Variants in WIPI2 observed in about 807,000 individuals in gnomAD.
The protein encoded by WIPI2 is WD repeat domain, phosphoinositide interacting 2, also known as WD repeat domain phosphoinositide-interacting protein 2.
A neutral mutation model predicts 52.3 loss-of-function variants in WIPI2; 28 were observed. The observed-to-expected ratio is 0.54, with a 90% confidence interval of 0.40 to 0.73. The LOEUF is 0.73. Ranked by LOEUF, WIPI2 falls within the 30% of genes least tolerant of loss-of-function variation. WIPI2 has a pLI of 0.00. For missense variants in WIPI2, 506 were observed against 602.9 expected (o/e 0.84, Z 1.68); for synonymous variants, 268 against 245.0 (o/e 1.09, Z -0.88).
intron 7 of WIPI2, among the ~76,000 whole-genome samples, chr7:5,221,197 A>T (rs1783107584): frequency 6.6e-6 from 1 of 152,056 alleles, no homozygotes; most frequent in African/African-American, 2.4e-5. Flanking sequence ...TCCTCACCTC[A>T]GGTGACCACT....
In WIPI2 at chr7:5,227,008, C is replaced by T. The variant is rs544190147; in HGVS notation, c.849-172C>T. On this transcript the variant is annotated intron_variant, in intron 9 of 12. Transcript: ENST00000288828. This position sits in a 1 kb window ranked among gnomAD's most constrained non-coding sequence, Gnocchi z 8.1. ...CCCCGACACCTCCCAGAGGAAGCTC[C>T]GTGATGCCCCTGGGGCCCTGAGTGT... The T allele has an allele frequency of 8.6e-5, 72 of 838,808 alleles. 1 individual carries two copies. Among genetic ancestry groups the T allele is most frequent in the African/African-American group, 8.2e-4 (48 of 58,620 alleles). 52.0% of individuals were successfully genotyped at this position (838,808 alleles called of 1,614,324 possible). A position where few individuals can be genotyped will look rare whatever the true frequency, so the allele number is the denominator to read the frequency against.
At chr7:5,203,458 A>C (rs1295701520) in intron 3 of WIPI2, among the ~76,000 whole-genome samples, 1 of 152,124 alleles carries the variant, frequency 6.6e-6, no homozygotes, top group Non-Finnish European at 1.5e-5. Context: ...CAGAAGCAAA[A>C]AGCAACATTC....
At chr7:5,217,689 G>A (rs1415611470) in intron 6 of WIPI2, 1 of 537,100 alleles carries the variant, frequency 1.9e-6, no homozygotes, top group Admixed American at 3.1e-5. Context: ...CCTCGCCACG[G>A]GAATGTTTGA....
rs1781926753 is a variant in WIPI2 at position 5,199,618 on chromosome 7, CCTTT to C, written c.175_178del (p.Ser59LeufsTer20). The C allele has an allele frequency of 6.8e-6, 11 of 1,613,336 alleles. No homozygotes were observed. The highest frequency in any genetic ancestry group is 1.1e-5 in the South Asian group (1 of 90,910). On this transcript the variant is annotated frameshift_variant, in exon 3 of 13. Coordinates refer to ENST00000288828, the MANE Select transcript of WIPI2 (RefSeq NM_015610.4). LOFTEE classifies it high-confidence loss of function. ...GTAAGTCCGGTTATAAATTTTTCTCCCTTTCTTCTGTGGATAAGCTGGAACAGAT... is the reference window on the plus strand; with the variant it reads ...GTAAGTCCGGTTATAAATTTTTCTCCCTTCTGTGGATAAGCTGGAACAGAT...
rs745621001 is a variant in WIPI2, at chr7:5,225,973, C to T, written c.848+43C>T. On this transcript the variant is annotated intron_variant, in intron 9 of 12. Transcript: ENST00000288828. ...GTTTCTTTAAAAATGATGCAAAACCCTTTGTCCCCACTTGCTGCCGGGATG... is the reference window on the plus strand; with the variant it reads ...GTTTCTTTAAAAATGATGCAAAACCTTTTGTCCCCACTTGCTGCCGGGATG... 30 of 1,561,606 alleles carry T rather than the reference C, an allele frequency of 1.9e-5. 1 individual carries two copies. Among genetic ancestry groups the T allele is most frequent in the Middle Eastern group, 1.7e-4 (1 of 6,022 alleles).
chr7:5,222,499 G>A, intron 7 of WIPI2, 103 bp from the exon 8 acceptor site: 1 of 1,233,886 alleles, frequency 8.1e-7, no homozygotes, highest in Non-Finnish European at 1.2e-6. Context: ...GGGCAGAGCT[G>A]TCCTGGAGAT....
At chr7:5,217,046 C>G in intron 5 of WIPI2, 44 bp from the exon 6 acceptor site, 1 of 1,571,574 alleles carries the variant, frequency 6.4e-7, no homozygotes, top group African/African-American at 1.3e-5. Flanking sequence ...AGAAGGAACT[C>G]TCAGGTGGAA....
chr7:5,225,188 T>A (rs1380018448), intron 8 of WIPI2, among the ~76,000 whole-genome samples: 2 of 151,948 alleles, frequency 1.3e-5, no homozygotes, highest in African/African-American at 4.8e-5. Flanking sequence ...TCGCCCAGGC[T>A]GGAGTGCAGT....
chr7:5,199,027 T>C (rs1410437353), intron 2 of WIPI2, among the ~76,000 whole-genome samples: 3 of 152,160 alleles, frequency 2.0e-5, no homozygotes, highest in Non-Finnish European at 1.5e-5. Context: ...AGTTTTTTGG[T>C]TTCTTTTCTT....
Position 5,232,433 on chromosome 7 carries a change from C to T in WIPI2, c.*1486C>T, listed in dbSNP as rs1457986475. 3.5e-5 allele frequency: 14 copies of T among 397,648 alleles called. No homozygotes were observed. The highest frequency in any genetic ancestry group is 8.8e-5 in the Admixed American group (2 of 22,714). 24.6% of individuals were successfully genotyped at this position (397,648 alleles called of 1,614,324 possible). On this transcript the variant is annotated 3_prime_UTR_variant, in exon 13 of 13. Transcript: ENST00000288828. Reference sequence around the variant, plus strand: ...TCACCTACACCGGCTTCCTCCCAGCCGCTGGTGTGCGGCACACACAACATC... The same window carrying T: ...TCACCTACACCGGCTTCCTCCCAGCTGCTGGTGTGCGGCACACACAACATC...
chr7:5,230,789 GGT>G lies in WIPI2; in HGVS notation c.1253-41_1253-40del, dbSNP rs1554256379. The G allele has an allele frequency of 6.7e-7, 1 of 1,486,972 alleles. No individual in the cohort carries two copies. The highest frequency in any genetic ancestry group is 1.4e-5 in the African/African-American group (1 of 72,224). 92.1% of individuals were successfully genotyped at this position (1,486,972 alleles called of 1,614,324 possible). Reference sequence around the variant, plus strand: ...CCTCAGTGTGTGTCATGGGGTCTGTGGTGTGTCCCCAGCCTTTGAAGGGTGAC... The same window carrying G: ...CCTCAGTGTGTGTCATGGGGTCTGTGGTGTCCCCAGCCTTTGAAGGGTGAC... On this transcript the variant is annotated intron_variant, in intron 12 of 12. Transcript: ENST00000288828. The surrounding 1 kb of genome is among the most constrained non-coding windows in gnomAD (Gnocchi z 4.8).
At chr7:5,224,654 T>C (rs980344610) in intron 8 of WIPI2, among the ~76,000 whole-genome samples, 2 of 152,152 alleles carry the variant, frequency 1.3e-5, no homozygotes, top group African/African-American at 4.8e-5. Context: ...GCTGTCTTCT[T>C]GCACTCAGTG....
chr7:5,227,446 G>C lies in WIPI2; in HGVS notation c.1013+102G>C. ...CCTTCCGTGCTTCTGAACAGGAGCA[G>C]CTTCTTAGAGCCGACACTCCATCGA... On this transcript the variant is annotated intron_variant, in intron 10 of 12. Transcript: ENST00000288828. The surrounding 1 kb of genome is among the most constrained non-coding windows in gnomAD (Gnocchi z 8.1). The C allele has an allele frequency of 7.0e-7, 1 of 1,436,510 alleles. No homozygotes were observed. Among genetic ancestry groups the C allele is most frequent in the Non-Finnish European group, 9.3e-7 (1 of 1,077,904 alleles). 89.0% of individuals were successfully genotyped at this position (1,436,510 alleles called of 1,614,324 possible).
At chr7:5,223,152 C>T (rs182624845) in intron 8 of WIPI2, among the ~76,000 whole-genome samples, 6 of 152,344 alleles carry the variant, frequency 3.9e-5, no homozygotes, top group South Asian at 2.1e-4. Flanking sequence ...CTTCCCTCAT[C>T]GGTGCTTACA....
chr7:5,224,623 A>G (rs745951122), intron 8 of WIPI2, among the ~76,000 whole-genome samples: 1 of 152,146 alleles, frequency 6.6e-6, no homozygotes, highest in African/African-American at 2.4e-5. Context: ...CTGGTCAGAG[A>G]TGAAATGTTA....
chr7:5,220,928 G>GGACT (rs1283869558), intron 7 of WIPI2, among the ~76,000 whole-genome samples: 1 of 151,526 alleles, frequency 6.6e-6, no homozygotes, highest in Non-Finnish European at 1.5e-5. Context: ...CAACTAGCTG[G>GGACT]GACTACAGGT....
intron 2 of WIPI2, among the ~76,000 whole-genome samples, chr7:5,196,994 C>A (rs1379659607): frequency 1.3e-5 from 2 of 151,626 alleles, no homozygotes; most frequent in African/African-American, 4.8e-5. Context: ...CACCTGTAAT[C>A]CCAGCTACTT....
intron 2 of WIPI2, 179 bp downstream of exon 2, chr7:5,193,350 G>C (rs945991586): frequency 6.8e-5 from 96 of 1,414,198 alleles, no homozygotes; most frequent in Non-Finnish European, 8.8e-5. Context: ...TGGGAAGTTA[G>C]TGATGTAGCA....
rs562272137 is a variant in WIPI2, at chr7:5,227,563, G to C, written c.1013+219G>C. The stretch of plus-strand genomic sequence containing the variant: ...CCAGACGGGCTCCCGTTCTGTTTTT[G>C]TGGATAGTCTGCGGTATTAATGAAA... On this transcript the variant is annotated intron_variant, in intron 10 of 12. Transcript: ENST00000288828. The surrounding 1 kb of genome is among the most constrained non-coding windows in gnomAD (Gnocchi z 8.1). Among the ~76,000 whole-genome samples, 1 of 152,226 alleles carries C rather than the reference G, an allele frequency of 6.6e-6. No homozygotes were observed. Among genetic ancestry groups the C allele is most frequent in the South Asian group, 2.1e-4 (1 of 4,836 alleles).
Sources: allele counts gnomAD v4.1 joint callset (sites outside exome capture counted in the v4.1 genomes callset), GRCh38; gene constraint gnomAD v4.1.1; non-coding constraint Gnocchi (gnomAD v3.1); transcripts MANE v1.5; gene names NCBI Gene and HGNC (gene_info 2026-07-23, HGNC 2026-07-21).